ADGRA3: variants seen among roughly 807,000 people sequenced by gnomAD.
ADGRA3 encodes the protein adhesion G protein-coupled receptor A3.
In ADGRA3, 56 loss-of-function variants were observed where a neutral mutation model predicts 119.8. That is an observed-to-expected ratio of 0.47 (90% confidence interval 0.38 to 0.58). The LOEUF is 0.58. Ranked by LOEUF, ADGRA3 falls within the 20% of genes least tolerant of loss-of-function variation. The pLI, the probability that ADGRA3 is intolerant of heterozygous loss-of-function variation, is 0.00. For synonymous variants in ADGRA3, 607 were observed against 623.8 expected (o/e 0.97, Z 0.40); for missense variants, 1,516 against 1,649.0 (o/e 0.92, Z 1.40).
At chr4:22,431,700 T>C (rs1698398124) in intron 10 of ADGRA3, among the ~76,000 whole-genome samples, 1 of 152,200 alleles carries the variant, frequency 6.6e-6, no homozygotes, top group African/African-American at 2.4e-5. Context: ...ATTAAACCTC[T>C]TTCCTTTATA....
intron 12 of ADGRA3, among the ~76,000 whole-genome samples, chr4:22,418,823 G>A (rs1395444511): frequency 6.6e-6 from 1 of 152,148 alleles, no homozygotes; most frequent in African/African-American, 2.4e-5. Flanking sequence ...GCCTTCAGGT[G>A]TGAAATGGTG....
chr4:22,389,725 G>C (rs1027592960), intron 17 of ADGRA3, among the ~76,000 whole-genome samples: 5 of 152,066 alleles, frequency 3.3e-5, no homozygotes, highest in Non-Finnish European at 7.4e-5. Flanking sequence ...AGAGTGCAGA[G>C]GCCCTACCTG....
chr4:22,405,546 TA>T (rs371969552), intron 14 of ADGRA3, among the ~76,000 whole-genome samples: 460 of 125,346 alleles, frequency 3.7e-3, no homozygotes, highest in Admixed American at 4.4e-3. Context: ...CCCCTATTTC[TA>T]AAAAAAAAAA....
intron 1 of ADGRA3, among the ~76,000 whole-genome samples, chr4:22,489,188 G>A (rs899261203): frequency 2.0e-5 from 3 of 152,092 alleles, no homozygotes; most frequent in East Asian, 1.9e-4. Flanking sequence ...CAAGCAACAC[G>A]GGAAGCCCCT....
intron 3 of ADGRA3, among the ~76,000 whole-genome samples, chr4:22,459,982 T>G (rs1215345625): frequency 6.6e-6 from 1 of 152,162 alleles, no homozygotes; most frequent in Non-Finnish European, 1.5e-5. Flanking sequence ...CTCCCAATAT[T>G]CTTTTCCCTC....
chr4:22,466,584 A>G (rs540342175), intron 2 of ADGRA3, among the ~76,000 whole-genome samples: 37 of 152,178 alleles, frequency 2.4e-4, no homozygotes, highest in African/African-American at 8.9e-4. Flanking sequence ...AAAATTAGCC[A>G]GGCGTGATGG....
chr4:22,421,098 G>GTCAA lies in ADGRA3; in HGVS notation c.1606-13_1606-10dup. 6.2e-7 allele frequency: 1 copy of GTCAA among 1,610,522 alleles called. No individual in the cohort carries two copies. ...GCAATATTGGGTGAATACTTGAAAA[G>GTCAA]TCAATCAAACAGGAGTTATGAACGA... is the stretch of plus-strand genomic sequence containing the variant. On this transcript the variant is annotated splice_polypyrimidine_tract_variant and intron_variant, in intron 11 of 18. Transcript: ENST00000334304.
At chr4:22,512,247 T>G (rs1386744166) in intron 1 of ADGRA3, among the ~76,000 whole-genome samples, 1 of 151,932 alleles carries the variant, frequency 6.6e-6, no homozygotes, top group African/African-American at 2.4e-5. Flanking sequence ...GGATCCTCAA[T>G]CCCACTAGGA....
chr4:22,405,683 C>A (rs534322660), intron 14 of ADGRA3, among the ~76,000 whole-genome samples: 4 of 152,172 alleles, frequency 2.6e-5, no homozygotes, highest in South Asian at 4.1e-4. Flanking sequence ...GGCATGAGTA[C>A]CTCTGTCACT....
intron 10 of ADGRA3, among the ~76,000 whole-genome samples, chr4:22,433,794 A>G (rs1716281004): frequency 6.6e-6 from 1 of 152,208 alleles, no homozygotes; most frequent in South Asian, 2.1e-4. Flanking sequence ...CTTAAGCAAC[A>G]ATGGAGCACA....
intron 11 of ADGRA3, among the ~76,000 whole-genome samples, chr4:22,423,753 C>A (rs919592187): frequency 6.6e-6 from 1 of 152,172 alleles, no homozygotes; most frequent in South Asian, 2.1e-4. Context: ...CTCAAAATAT[C>A]CTTCAGGGCC....
intron 14 of ADGRA3, among the ~76,000 whole-genome samples, chr4:22,407,187 C>T (rs777509668): frequency 2.6e-5 from 4 of 152,162 alleles, no homozygotes; most frequent in Non-Finnish European, 4.4e-5. Context: ...AGAAGAATGG[C>T]GTGAACCTGG....
chr4:22,500,129 G>A (rs571191241), intron 1 of ADGRA3, among the ~76,000 whole-genome samples: 7 of 152,252 alleles, frequency 4.6e-5, no homozygotes, highest in East Asian at 1.9e-4. Context: ...TGCTTTTCCC[G>A]TCTGTCAGTC....
intron 1 of ADGRA3, among the ~76,000 whole-genome samples, chr4:22,499,514 C>A (rs943022333): frequency 6.6e-6 from 1 of 152,160 alleles, no homozygotes; most frequent in African/African-American, 2.4e-5. Context: ...ATGACAGTTC[C>A]CTGCTCACCT....
At chr4:22,428,281 T>C (rs963069269) in intron 10 of ADGRA3, among the ~76,000 whole-genome samples, 5 of 151,966 alleles carry the variant, frequency 3.3e-5, no homozygotes, top group African/African-American at 1.2e-4. Flanking sequence ...AGACTCAGTT[T>C]ACTCATTTGT....
Position 22,507,957 on chromosome 4 carries a change from A to G in ADGRA3, c.257+7571T>C, listed in dbSNP as rs114670647. ...AAATAAAGACATGTTCTCATTTGCTATAATAAGGTAAACATACGAATTTGC... is the reference window on the plus strand; with the variant it reads ...AAATAAAGACATGTTCTCATTTGCTGTAATAAGGTAAACATACGAATTTGC... On this transcript the variant is annotated intron_variant, in intron 1 of 18. Coordinates refer to ENST00000334304, the MANE Select transcript of ADGRA3 (RefSeq NM_145290.4). 9.1e-3 allele frequency among the ~76,000 whole-genome samples: 1,384 copies of G among 152,328 alleles called. 13 individuals carry two copies. Among genetic ancestry groups the G allele is most frequent in the Middle Eastern group, 0.034 (10 of 294 alleles).
chr4:22,498,863 G>T (rs1718947464), intron 1 of ADGRA3, among the ~76,000 whole-genome samples: 1 of 151,882 alleles, frequency 6.6e-6, no homozygotes, highest in Non-Finnish European at 1.5e-5. Context: ...TCAGTGAGCA[G>T]AGATCACACC....
chr4:22,473,942 A>G (rs374283670), intron 1 of ADGRA3, 99 bp from the exon 2 acceptor site: 1 of 640,562 alleles, frequency 1.6e-6, no homozygotes, highest in South Asian at 3.2e-5. Flanking sequence ...ATTCTAAGAC[A>G]TCATTTATTA....
At chr4:22,511,631 G>C (rs1719448892) in intron 1 of ADGRA3, among the ~76,000 whole-genome samples, 2 of 152,048 alleles carry the variant, frequency 1.3e-5, no homozygotes, top group African/African-American at 4.8e-5. Context: ...TCACGACTCA[G>C]CTGAAAACAC....
Sources: allele counts gnomAD v4.1 joint callset (sites outside exome capture counted in the v4.1 genomes callset), GRCh38; gene constraint gnomAD v4.1.1; transcripts MANE v1.5; gene names NCBI Gene and HGNC (gene_info 2026-07-23, HGNC 2026-07-21).